The following STARD13 variants were observed in gnomAD, a reference collection of about 807,000 sequenced individuals.
STARD13 encodes the protein stAR-related lipid transfer protein 13.
STARD13 carries 62 observed loss-of-function variants against 106.4 expected under a neutral mutation model. The observed-to-expected ratio is 0.58, with a 90% CI of 0.48 to 0.72. The LOEUF (loss-of-function observed/expected upper bound fraction) is 0.72, where lower values mean the gene tolerates loss of function less well. Among genes scored for constraint, STARD13 ranks in the 30% least tolerant of loss-of-function variants. STARD13 has a pLI of 0.00. For synonymous variants in STARD13, 565 were observed against 553.0 expected (o/e 1.02, Z -0.31); for missense variants, 1,387 against 1,424.0 (o/e 0.97, Z 0.42).
chr13:33,264,333 T>A (rs997391535), intron 1 of STARD13, among the ~76,000 whole-genome samples: 1 of 152,236 alleles, frequency 6.6e-6, no homozygotes, highest in African/African-American at 2.4e-5. Flanking sequence ...GACAGTTTGT[T>A]ACATAGCAAC....
At chr13:33,668,138 G>T in the STARD13 span, among the ~76,000 whole-genome samples, 1 of 152,156 alleles carries the variant, frequency 6.6e-6, no homozygotes, top group Admixed American at 6.5e-5. Context: ...TGCCCAATTC[G>T]GGGATCATTC....
At chr13:33,325,541 T>C (rs1473262730) in intron 1 of STARD13, among the ~76,000 whole-genome samples, 4 of 152,154 alleles carry the variant, frequency 2.6e-5, no homozygotes, top group African/African-American at 9.7e-5. Context: ...TTCCCTTTGG[T>C]CCTATTATGG....
At chr13:33,398,485 A>G in the STARD13 span, among the ~76,000 whole-genome samples, 3 of 152,210 alleles carry the variant, frequency 2.0e-5, no homozygotes, top group Non-Finnish European at 4.4e-5. Flanking sequence ...GAATTATTCT[A>G]TTCTTTGAAA....
At chr13:33,183,519 G>GC (rs1885446135) in intron 1 of STARD13, among the ~76,000 whole-genome samples, 1 of 152,214 alleles carries the variant, frequency 6.6e-6, no homozygotes, top group Middle Eastern at 3.2e-3. Context: ...GGCTTTCATA[G>GC]CTTTCTGTTC....
intron 1 of STARD13, among the ~76,000 whole-genome samples, chr13:33,233,219 G>A (rs184517472): frequency 2.9e-3 from 442 of 152,334 alleles, no homozygotes; most frequent in Non-Finnish European, 5.0e-3. Context: ...TTGTCTTCCT[G>A]TTTGGTGTGC....
chr13:33,107,079 T>C (rs1025856546), intron 12 of STARD13, 145 bp from the exon 13 acceptor site: 90 of 699,676 alleles, frequency 1.3e-4, no homozygotes, highest in Non-Finnish European at 2.0e-4. Context: ...AGCTAATGGC[T>C]TTCATAAGCT....
At chr13:33,499,608 TTCTTCTTCTTCTTCTTCTTCTTCTTC>T in the STARD13 span, among the ~76,000 whole-genome samples, 1 of 71,124 alleles carries the variant, frequency 1.4e-5, no homozygotes. Context: ...TTCTTCTTTC[TTCTTCTTCTTCTTCTTCTTCTTCTTC>T]TTCTTCTTCT....
chr13:33,514,367 C>T, the STARD13 span, among the ~76,000 whole-genome samples: 1 of 152,038 alleles, frequency 6.6e-6, no homozygotes, highest in Admixed American at 6.6e-5. Flanking sequence ...TAAAGACACT[C>T]AGGGAAATAA....
chr13:33,148,432 A>C (rs2147814), intron 3 of STARD13, among the ~76,000 whole-genome samples: 149,156 of 152,344 alleles, frequency 0.98, 73,040 homozygotes, highest in East Asian at 1. Flanking sequence ...TGAACAGACA[A>C]CTCACTAAAG....
chr13:33,463,475 T>C, the STARD13 span, among the ~76,000 whole-genome samples: 1 of 152,208 alleles, frequency 6.6e-6, no homozygotes, highest in Non-Finnish European at 1.5e-5. Flanking sequence ...CTGGTGGATG[T>C]ATATTTTGGA....
chr13:33,202,433 A>G (rs766635618), intron 1 of STARD13, among the ~76,000 whole-genome samples: 1 of 152,248 alleles, frequency 6.6e-6, no homozygotes, highest in Non-Finnish European at 1.5e-5. Context: ...TGGTATGGAA[A>G]GACTGACTTT....
upstream of STARD13, among the ~76,000 whole-genome samples, chr13:33,352,682 C>G (rs941626141): frequency 6.6e-6 from 1 of 152,218 alleles, no homozygotes; most frequent in Non-Finnish European, 1.5e-5. Context: ...GCCGGCTGAG[C>G]AGTGTGTGCC....
At chr13:33,427,738 C>T in the STARD13 span, among the ~76,000 whole-genome samples, 3 of 152,132 alleles carry the variant, frequency 2.0e-5, no homozygotes, top group South Asian at 6.2e-4. Context: ...GGCGGATCAC[C>T]TGAGGTCAGG....
chr13:33,166,584 A>G (rs1451605776), intron 2 of STARD13, among the ~76,000 whole-genome samples: 1 of 152,170 alleles, frequency 6.6e-6, no homozygotes, highest in East Asian at 1.9e-4. Flanking sequence ...CCACCTGCTC[A>G]TTGTTGGGGT....
intron 3 of STARD13, among the ~76,000 whole-genome samples, chr13:33,149,408 A>G (rs1311503442): frequency 6.6e-6 from 1 of 152,152 alleles, no homozygotes; most frequent in Admixed American, 6.5e-5. Context: ...GTCTTTTTTT[A>G]TTCATTTAAA....
At chr13:33,342,266 A>G (rs2077969298) in intron 1 of STARD13, among the ~76,000 whole-genome samples, 1 of 152,202 alleles carries the variant, frequency 6.6e-6, no homozygotes, top group Non-Finnish European at 1.5e-5. Flanking sequence ...GTTTGATCAG[A>G]CTATTCCTGG....
chr13:33,474,853 A>C, the STARD13 span, among the ~76,000 whole-genome samples: 1 of 152,182 alleles, frequency 6.6e-6, no homozygotes, highest in Non-Finnish European at 1.5e-5. Context: ...TATTGGCAAA[A>C]ATCCCCCTGC....
rs192775830 is a variant in STARD13, at chr13:33,239,860, G to A, written c.169+45610C>T. ...TTTCATAGGTTGCTTTTTCAATCTT[G>A]ACAGTTTCCTTTGCTGTGTAGGAGT... On this transcript the variant is annotated intron_variant, in intron 1 of 13. Coordinates refer to ENST00000336934, the MANE Select transcript of STARD13 (RefSeq NM_178006.4). 3.2e-4 allele frequency among the ~76,000 whole-genome samples: 49 copies of A among 152,192 alleles called. No individual in the cohort carries two copies. In the East Asian group the frequency reaches 9.5e-3, roughly 29 times the overall value.
the STARD13 span, chr13:33,439,688 T>C: frequency 7.9e-7 from 1 of 1,264,612 alleles, no homozygotes; most frequent in Non-Finnish European, 1.0e-6. Flanking sequence ...CAGGGAGACT[T>C]ACCCACTCTT....
Sources: gnomAD v4.1 joint callset for allele counts (sites outside exome capture counted in the v4.1 genomes callset) on GRCh38, gnomAD v4.1.1 for gene constraint, MANE v1.5 for transcripts, NCBI Gene and HGNC (gene_info 2026-07-23, HGNC 2026-07-21) for gene names.